Variants in ZEB1 observed in about 807,000 individuals in gnomAD.
ZEB1 encodes the protein zinc finger E-box-binding homeobox 1.
In ZEB1, 21 loss-of-function variants were observed where a neutral mutation model predicts 84.9. That is an observed-to-expected ratio of 0.25 (90% CI 0.18 to 0.36). The LOEUF is 0.36. ZEB1 is among the 10% of genes least tolerant of loss of function. ZEB1 has a pLI of 1.00. For synonymous variants in ZEB1, 420 were observed against 471.1 expected (o/e 0.89, Z 1.41); for missense variants, 1,104 against 1,330.2 (o/e 0.83, Z 2.65).
At chr10:31,390,280 G>A (rs1470054825) in intron 1 of ZEB1, among the ~76,000 whole-genome samples, 1 of 152,076 alleles carries the variant, frequency 6.6e-6, no homozygotes, top group African/African-American at 2.4e-5. Flanking sequence ...AGGCTGCCTG[G>A]AATCTTGGAG....
chr10:31,448,513 T>C (rs1219606139), intron 1 of ZEB1, among the ~76,000 whole-genome samples: 1 of 150,828 alleles, frequency 6.6e-6, no homozygotes, highest in Non-Finnish European at 1.5e-5. Flanking sequence ...TTCCACTTTT[T>C]CTGTTCTGTT....
intron 5 of ZEB1, among the ~76,000 whole-genome samples, chr10:31,514,349 T>G (rs2070684743): frequency 6.6e-6 from 1 of 152,164 alleles, no homozygotes; most frequent in Admixed American, 6.5e-5. Flanking sequence ...AAAGTTGGTA[T>G]TTTTCTGTAT....
intron 1 of ZEB1, among the ~76,000 whole-genome samples, chr10:31,376,112 T>C (rs1343130719): frequency 1.3e-5 from 2 of 151,804 alleles, no homozygotes; most frequent in African/African-American, 4.8e-5. Flanking sequence ...GCAAATCACA[T>C]TTATTCATTC....
chr10:31,463,451 T>G (rs542562375), intron 2 of ZEB1, among the ~76,000 whole-genome samples: 68 of 152,290 alleles, frequency 4.5e-4, no homozygotes, highest in African/African-American at 1.5e-3. Flanking sequence ...GACACTTTGG[T>G]CCTGAATACA....
rs1467674685 is a variant in ZEB1 at position 31,527,232 on chromosome 10, C to T, written c.3346C>T (p.Gln1116Ter). The change falls in exon 9 of 9, where the codon CAA becomes TAA. Residue 1116 changes from glutamine (Q) to a stop codon, truncating the protein, a stop_gained. Transcript: ENST00000424869. LOFTEE classifies it high-confidence loss of function. The stretch of plus-strand genomic sequence containing the variant: ...ACAAAAAGTAGGCGAGAGTAGTGAG[C>T]AAGTGTCTGAAGAAAAGACAAATGA... ...LGQKVGESSE[Q>*]VSEEKTNEA 4 of 1,609,304 alleles carry T rather than the reference C, an allele frequency of 2.5e-6. No individual in the cohort carries two copies. Among genetic ancestry groups the T allele is most frequent in the Non-Finnish European group, 3.4e-6 (4 of 1,178,340 alleles).
intron 4 of ZEB1, among the ~76,000 whole-genome samples, chr10:31,510,037 G>A (rs904852511): frequency 1.3e-5 from 2 of 152,154 alleles, no homozygotes; most frequent in African/African-American, 2.4e-5. Context: ...TGCATGGGAT[G>A]TGTTTATGTA....
intron 1 of ZEB1, among the ~76,000 whole-genome samples, chr10:31,359,858 A>AT (rs1231968499): frequency 1.3e-5 from 2 of 152,160 alleles, no homozygotes; most frequent in African/African-American, 2.4e-5. Flanking sequence ...GTGACTGTGG[A>AT]TTGTTGATGA....
intron 1 of ZEB1, among the ~76,000 whole-genome samples, chr10:31,322,654 A>C (rs1458184624): frequency 1.3e-5 from 2 of 152,122 alleles, no homozygotes; most frequent in African/African-American, 4.8e-5. Flanking sequence ...TGCTTGAATT[A>C]GTTTTTACCA....
chr10:31,345,914 C>A (rs1316936752), intron 1 of ZEB1, among the ~76,000 whole-genome samples: 2 of 152,078 alleles, frequency 1.3e-5, no homozygotes, highest in Admixed American at 6.6e-5. Flanking sequence ...TTTTAAAAGT[C>A]TCAGAGAAAA....
At chr10:31,375,460 G>GT (rs906481963) in intron 1 of ZEB1, among the ~76,000 whole-genome samples, 5 of 151,702 alleles carry the variant, frequency 3.3e-5, no homozygotes, top group Non-Finnish European at 7.4e-5. Flanking sequence ...GGAGAATTTG[G>GT]TATTTAGCCA....
Position 31,495,766 on chromosome 10 carries a change from T to C in ZEB1, c.260-10T>C. The C allele has an allele frequency of 1.2e-6, 2 of 1,612,680 alleles. No homozygotes were observed. The highest frequency in any genetic ancestry group is 1.1e-5 in the South Asian group (1 of 91,064). ...CTATAGATCTATTTTAATTTCTTCT[T>C]TGATTTCAGCAGGAAAGGAAGGGCA... On this transcript the variant is annotated splice_polypyrimidine_tract_variant and intron_variant, in intron 2 of 8. Coordinates refer to ENST00000424869, the MANE Select transcript of ZEB1 (RefSeq NM_001174096.2).
At chr10:31,323,964 CGTGTGTGTGTGT>C (rs3057772) in intron 1 of ZEB1, among the ~76,000 whole-genome samples, 2,309 of 146,390 alleles carry the variant, frequency 0.016, 47 homozygotes, top group African/African-American at 0.055. Context: ...CATGGTTCTT[CGTGTGTGTGTGT>C]GTGTGTGTGT....
chr10:31,505,333 C>T (rs1223073398), intron 4 of ZEB1, among the ~76,000 whole-genome samples: 5 of 152,030 alleles, frequency 3.3e-5, no homozygotes, highest in African/African-American at 1.2e-4. Context: ...CCCTCCTCTT[C>T]AGTTTTTTGG....
At chr10:31,363,230 C>G in intron 1 of ZEB1, 1 of 1,534,036 alleles carries the variant, frequency 6.5e-7, no homozygotes, top group South Asian at 1.2e-5. Flanking sequence ...GCCGCCTTCT[C>G]TGGCCACAGG....
At chr10:31,319,157 TGGAGGCGGAGGGGTGGGGGGGAAGGG>T, upstream of ZEB1, 1 of 389,158 alleles carries the variant, frequency 2.6e-6, no homozygotes, top group Non-Finnish European at 3.6e-6. Context: ...GGGGGAGGGG[TGGAGGCGGAGGGGTGGGGGGGAAGGG>T]GGAGGGAGGG....
At chr10:31,357,263 C>T (rs190150365) in intron 1 of ZEB1, among the ~76,000 whole-genome samples, 1 of 152,268 alleles carries the variant, frequency 6.6e-6, no homozygotes, top group Admixed American at 6.5e-5. Flanking sequence ...ATACTTCTAG[C>T]AACTTCAGCC....
At position 31,523,272 on chromosome 10, in the gene ZEB1, A is replaced by G. The variant is rs150316700; in HGVS notation, c.2605-661A>G. Among the ~76,000 whole-genome samples, 1,390 of 152,304 alleles carry G rather than the reference A, an allele frequency of 9.1e-3. 13 individuals are homozygous for G. Among genetic ancestry groups the G allele is most frequent in the African/African-American group, 0.031 (1,300 of 41,568 alleles). ...GAACGTGCTGCCCAAAATTATCTCC[A>G]TGAGACTGCCTGGAGTTTCTAAAGG... On this transcript the variant is annotated intron_variant, in intron 7 of 8. Coordinates refer to ENST00000424869, the MANE Select transcript of ZEB1 (RefSeq NM_001174096.2).
At position 31,526,981 on chromosome 10, in the gene ZEB1, A is replaced by T. The variant is rs145633572; in HGVS notation, c.3095A>T (p.Glu1032Val). 7 of 1,612,290 alleles carry T rather than the reference A, an allele frequency of 4.3e-6. No individual in the cohort carries two copies. The highest frequency in any genetic ancestry group is 4.0e-5 in the African/African-American group (3 of 75,008). The change falls in exon 9 of 9, where the codon GAA (glutamate) becomes GTA (valine). Residue 1032 changes from glutamate to valine, a missense_variant. Physicochemically the swap from Glu to Val is moderately radical, Grantham distance 121. Coordinates refer to ENST00000424869, the MANE Select transcript of ZEB1 (RefSeq NM_001174096.2). ...DSDERESLTR[E>V]EDEDSEKEEE... ...GACGAGAGAGAGAGTTTGACAAGGG[A>T]AGAGGATGAAGACAGTGAAAAAGAG...
chr10:31,502,324 C>T (rs534063523), intron 3 of ZEB1, 24 bp from the exon 4 acceptor site: 2 of 1,612,540 alleles, frequency 1.2e-6, no homozygotes, highest in African/African-American at 2.7e-5. Context: ...AGATTGCTGT[C>T]TTAAAAGTAT....
Sources: allele counts gnomAD v4.1 joint callset (sites outside exome capture counted in the v4.1 genomes callset), GRCh38; gene constraint gnomAD v4.1.1; transcripts MANE v1.5; gene names NCBI Gene and HGNC (gene_info 2026-07-23, HGNC 2026-07-21).